The following PAH variants were observed in gnomAD, a reference collection of about 807,000 sequenced individuals.
The protein encoded by PAH is phenylalanine-4-hydroxylase.
A neutral mutation model predicts 62.0 loss-of-function variants in PAH; 64 were observed. That is an observed-to-expected ratio of 1.03 (90% CI 0.84 to 1.27). The LOEUF is 1.27. PAH is among the 50% of genes most tolerant of loss of function. PAH has a pLI of 0.00. For missense variants in PAH, 579 were observed against 542.8 expected, an observed-to-expected ratio of 1.07 and a Z score of -0.66; for synonymous variants, 195 against 196.2, an observed-to-expected ratio of 0.99 and a Z score of 0.05.
chr12:102,904,813 A>G, intron 2 of PAH: 1 of 478,298 alleles, frequency 2.1e-6, no homozygotes. Context: ...ACACCCGAGT[A>G]GACTATGCAC....
chr12:102,940,617 A>C (rs78326562), intron 1 of PAH, among the ~76,000 whole-genome samples: 591 of 152,344 alleles, frequency 3.9e-3, no homozygotes, highest in African/African-American at 0.013. Context: ...TGCGACAAAA[A>C]TAAGGAAAAA....
chr12:102,888,434 A>G (rs1877128925), intron 3 of PAH, among the ~76,000 whole-genome samples: 1 of 151,610 alleles, frequency 6.6e-6, no homozygotes, highest in Non-Finnish European at 1.5e-5. Flanking sequence ...ATGCGAAAGA[A>G]TTTGGAAAAC....
intron 2 of PAH, among the ~76,000 whole-genome samples, chr12:102,902,476 G>A (rs374373019): frequency 6.6e-6 from 1 of 152,296 alleles, no homozygotes; most frequent in East Asian, 1.9e-4. Context: ...GACAGGAACT[G>A]TCTGGGGCAA....
intron 1 of PAH, chr12:102,915,300 A>G (rs565762146): frequency 3.9e-5 from 6 of 152,300 alleles, no homozygotes; most frequent in Admixed American, 1.3e-4. Context: ...TAATTGACTC[A>G]CAGAAATTGA....
Position 102,933,688 on chromosome 12 carries a change from G to A in PAH, c.-95-16463C>T, listed in dbSNP as rs79506561. ...TTGCAGTTTTGATTAGCATTTCTCCGATGATCAATGATATCAAGCACGTTT... is the reference window on the plus strand; with the variant it reads ...TTGCAGTTTTGATTAGCATTTCTCCAATGATCAATGATATCAAGCACGTTT... On this transcript the variant is annotated intron_variant, in intron 1 of 3. Transcript: ENST00000546844. Among the ~76,000 whole-genome samples, 859 of 152,212 alleles carry A rather than the reference G, an allele frequency of 5.6e-3. 11 individuals are homozygous for A. Among genetic ancestry groups the A allele is most frequent in the African/African-American group, 0.019 (808 of 41,550 alleles).
At chr12:102,931,742 C>A (rs1030538292) in intron 1 of PAH, among the ~76,000 whole-genome samples, 11 of 152,134 alleles carry the variant, frequency 7.2e-5, no homozygotes, top group African/African-American at 2.4e-4. Context: ...TTTTTCCTTG[C>A]CCTCTTGCGA....
chr12:102,872,777 G>A (rs556513366), intron 4 of PAH, among the ~76,000 whole-genome samples: 1 of 152,278 alleles, frequency 6.6e-6, no homozygotes, highest in Admixed American at 6.5e-5. Flanking sequence ...AGACCAGCTT[G>A]GCCAACATGA....
chr12:102,858,196 C>A (rs1875534271), intron 5 of PAH, among the ~76,000 whole-genome samples: 2 of 152,096 alleles, frequency 1.3e-5, no homozygotes, highest in African/African-American at 4.8e-5. Context: ...ATAAAACAGA[C>A]TTTAAACCAA....
intron 3 of PAH, among the ~76,000 whole-genome samples, chr12:102,889,402 C>G (rs1877175343): frequency 6.8e-6 from 1 of 147,894 alleles, no homozygotes; most frequent in South Asian, 2.2e-4. Context: ...TCCCAGACAA[C>G]ATAGATAGAT....
At chr12:102,888,853 T>A (rs149727852) in intron 3 of PAH, among the ~76,000 whole-genome samples, 211 of 152,168 alleles carry the variant, frequency 1.4e-3, no homozygotes, top group African/African-American at 5.0e-3. Flanking sequence ...TTTGCAAACA[T>A]GCAGATACTT....
intron 3 of PAH, among the ~76,000 whole-genome samples, chr12:102,882,903 A>G (rs1409911077): frequency 1.3e-5 from 2 of 152,054 alleles, no homozygotes; most frequent in African/African-American, 4.8e-5. Flanking sequence ...ACAGTGGCCC[A>G]TAATATGTGT....
upstream of PAH, among the ~76,000 whole-genome samples, chr12:102,918,571 T>G (rs1351034806): frequency 0.011 from 571 of 51,020 alleles, 4 homozygotes; most frequent in African/African-American, 0.058. Context: ...TTTTTTTTTG[T>G]TTTTTTTTTT....
At chr12:102,891,753 G>A (rs1347774167) in intron 3 of PAH, among the ~76,000 whole-genome samples, 2 of 152,112 alleles carry the variant, frequency 1.3e-5, no homozygotes, top group African/African-American at 4.8e-5. Context: ...TCCCCACTAA[G>A]AACCTCCTTT....
At chr12:102,882,576 GTA>G (rs60570491) in intron 3 of PAH, among the ~76,000 whole-genome samples, 22,656 of 145,388 alleles carry the variant, frequency 0.16, 2,100 homozygotes, top group Admixed American at 0.32. Flanking sequence ...ATGTGTGTAT[GTA>G]TATATACACA....
intron 9 of PAH, among the ~76,000 whole-genome samples, chr12:102,844,999 C>G (rs1314468854): frequency 6.6e-6 from 1 of 152,116 alleles, no homozygotes; most frequent in African/African-American, 2.4e-5. Context: ...CCCTCTCTCT[C>G]TTTCTCTCTC....
At chr12:102,958,157 C>G in intron 1 of PAH, 4 of 1,046,096 alleles carry the variant, frequency 3.8e-6, no homozygotes, top group Non-Finnish European at 5.1e-6. Context: ...TGTTCCTGCA[C>G]CCAAGTTCTC....
At chr12:102,955,729 C>A (rs980681382), upstream of PAH, among the ~76,000 whole-genome samples, 1 of 152,098 alleles carries the variant, frequency 6.6e-6, no homozygotes, top group African/African-American at 2.4e-5. Flanking sequence ...GTGCTCACCT[C>A]CTATACTTCC....
intron 11 of PAH, 32 bp from the exon 12 acceptor site, chr12:102,840,547 G>A (rs760309501): frequency 7.0e-7 from 1 of 1,419,758 alleles, no homozygotes; most frequent in African/African-American, 1.4e-5. Context: ...TGAGTGAAGG[G>A]CACCATTTGG....
At chr12:102,932,712 G>C (rs1779584215) in intron 1 of PAH, among the ~76,000 whole-genome samples, 1 of 152,194 alleles carries the variant, frequency 6.6e-6, no homozygotes. Context: ...TTCATGAAAG[G>C]AGGCAAAGCA....
Sources: allele counts gnomAD v4.1 joint callset (sites outside exome capture counted in the v4.1 genomes callset), GRCh38; gene constraint gnomAD v4.1.1; transcripts MANE v1.5; gene names NCBI Gene and HGNC (gene_info 2026-07-23, HGNC 2026-07-21).